AHCY: variants seen among roughly 807,000 people sequenced by gnomAD.
AHCY encodes adenosylhomocysteinase, also known as S-adenosyl-L-homocysteine hydrolase.
Under a neutral mutation model 45.4 loss-of-function variants are expected in AHCY, and 24 were observed. The ratio of observed to expected loss-of-function variants is 0.53; its 90% CI spans 0.38 to 0.74. The LOEUF is 0.74. Among genes scored for constraint, AHCY ranks in the 30% least tolerant of loss-of-function variants. The pLI, the probability that AHCY is intolerant of heterozygous loss-of-function variation, is 0.00. For synonymous variants in AHCY, 245 were observed against 235.1 expected (o/e 1.04, Z -0.39); for missense variants, 449 against 594.1 (o/e 0.76, Z 2.54).
chr20:34,267,025 T>C, the AHCY span, among the ~76,000 whole-genome samples: 1 of 152,184 alleles, frequency 6.6e-6, no homozygotes, highest in Non-Finnish European at 1.5e-5. Flanking sequence ...GTCCCTGCTC[T>C]TTTCTAGGCC....
the AHCY span, among the ~76,000 whole-genome samples, chr20:34,267,469 A>G: frequency 6.6e-6 from 1 of 151,212 alleles, no homozygotes; most frequent in Non-Finnish European, 1.5e-5. Flanking sequence ...CAAAAAAAAA[A>G]AAAAAAAAAA....
chr20:34,292,514 G>A lies in AHCY; in HGVS notation c.296-7C>T. 1 of 1,613,822 alleles carries A rather than the reference G, an allele frequency of 6.2e-7. No homozygotes were observed. Among genetic ancestry groups the A allele is most frequent in the South Asian group, 1.1e-5 (1 of 91,006 alleles). ...TCGCCCTTCCAGGCATACACTGGAGGGTGAGTGGCACATCAGGGCCTGGAC... is the reference window on the plus strand; with the variant it reads ...TCGCCCTTCCAGGCATACACTGGAGAGTGAGTGGCACATCAGGGCCTGGAC... On this transcript the variant is annotated splice_region_variant and splice_polypyrimidine_tract_variant and intron_variant, in intron 3 of 9. Transcript: ENST00000217426.
At chr20:34,270,094 T>A in the AHCY span, among the ~76,000 whole-genome samples, 101 of 148,846 alleles carry the variant, frequency 6.8e-4, no homozygotes, top group African/African-American at 2.3e-3. Context: ...GTACAAAAAG[T>A]TTTAAAAATT....
chr20:34,267,459 C>CAA, the AHCY span, among the ~76,000 whole-genome samples: 451 of 44,832 alleles, frequency 0.01, 14 homozygotes, highest in African/African-American at 0.012. Flanking sequence ...AACTGGCTCT[C>CAA]AAAAAAAAAA....
the AHCY span, chr20:34,246,652 T>A: frequency 1.9e-6 from 1 of 529,050 alleles, no homozygotes; most frequent in African/African-American, 1.9e-5. Context: ...GAGATGGGGT[T>A]TCGCCATGTT....
At chr20:34,262,100 GA>G in the AHCY span, among the ~76,000 whole-genome samples, 6 of 151,860 alleles carry the variant, frequency 4.0e-5, no homozygotes, top group Non-Finnish European at 8.8e-5. Flanking sequence ...GCAACAGAGT[GA>G]GACTCTGTCT....
the AHCY span, among the ~76,000 whole-genome samples, chr20:34,271,669 G>A: frequency 2.7e-5 from 4 of 150,562 alleles, no homozygotes; most frequent in African/African-American, 9.8e-5. Context: ...AGGTTCAAGT[G>A]ATTCTCCTGC....
At chr20:34,247,676 A>C in the AHCY span, among the ~76,000 whole-genome samples, 17 of 150,088 alleles carry the variant, frequency 1.1e-4, no homozygotes, top group African/African-American at 4.2e-4. Flanking sequence ...TGGCACAAAC[A>C]CAGCTCACTG....
intron 9 of AHCY, 135 bp downstream of exon 9, chr20:34,285,305 C>T (rs2036135439): frequency 1.1e-6 from 1 of 932,216 alleles, no homozygotes; most frequent in Non-Finnish European, 1.7e-6. Context: ...AGAATGACTT[C>T]TGCACTGTAG....
the AHCY span, among the ~76,000 whole-genome samples, chr20:34,253,558 C>T: frequency 1.3e-5 from 2 of 151,652 alleles, no homozygotes; most frequent in African/African-American, 2.4e-5. Flanking sequence ...CTGCAACCTC[C>T]GCCTCCCGGT....
At chr20:34,258,014 A>G in the AHCY span, among the ~76,000 whole-genome samples, 2 of 151,920 alleles carry the variant, frequency 1.3e-5, no homozygotes, top group Admixed American at 1.3e-4. Context: ...CGTGGTGGCA[A>G]GCACCTGTAG....
upstream of AHCY, among the ~76,000 whole-genome samples, chr20:34,305,864 T>C (rs2036890294): frequency 6.6e-6 from 1 of 152,094 alleles, no homozygotes; most frequent in Non-Finnish European, 1.5e-5. Context: ...AGTGGATCAC[T>C]TGGGGTCAGG....
At chr20:34,296,720 T>C (rs765487256) in intron 1 of AHCY, among the ~76,000 whole-genome samples, 1 of 152,148 alleles carries the variant, frequency 6.6e-6, no homozygotes, top group Non-Finnish European at 1.5e-5. Flanking sequence ...CTGGAAAATA[T>C]GATTCAGCAG....
the AHCY span, among the ~76,000 whole-genome samples, chr20:34,237,725 T>C: frequency 6.6e-6 from 1 of 152,240 alleles, no homozygotes; most frequent in African/African-American, 2.4e-5. Context: ...CTTTGTCTTG[T>C]TCTTGATGTT....
the AHCY span, among the ~76,000 whole-genome samples, chr20:34,253,521 G>A: frequency 1.3e-5 from 2 of 150,584 alleles, no homozygotes; most frequent in African/African-American, 4.9e-5. Context: ...TGCCCAGGCC[G>A]GAGTGCAATG....
intron 8 of AHCY, among the ~76,000 whole-genome samples, chr20:34,286,760 G>C (rs2122736883): frequency 6.6e-6 from 1 of 151,322 alleles, no homozygotes; most frequent in Non-Finnish European, 1.5e-5. Context: ...CTTGAACCTG[G>C]GAAGCGGAGG....
At chr20:34,295,372 G>A in intron 2 of AHCY, 23 bp downstream of exon 2, 9 of 1,613,700 alleles carry the variant, frequency 5.6e-6, no homozygotes, top group Non-Finnish European at 7.6e-6. Context: ...AGGACTCTGG[G>A]GTGATACAGC....
chr20:34,247,036 A>AGGCT, the AHCY span, among the ~76,000 whole-genome samples: 1 of 152,048 alleles, frequency 6.6e-6, no homozygotes, highest in African/African-American at 2.4e-5. Flanking sequence ...TCTATCACCC[A>AGGCT]GGCTGGAGTG....
At chr20:34,299,900 C>CAG in intron 1 of AHCY, among the ~76,000 whole-genome samples, 1 of 152,254 alleles carries the variant, frequency 6.6e-6, no homozygotes, top group East Asian at 1.9e-4. Flanking sequence ...TGTCACTTCT[C>CAG]AGGCTGGGCG....
Sources: allele counts gnomAD v4.1 joint callset (sites outside exome capture counted in the v4.1 genomes callset), GRCh38; gene constraint gnomAD v4.1.1; transcripts MANE v1.5; gene names NCBI Gene and HGNC (gene_info 2026-07-23, HGNC 2026-07-21).